The following BRINP2 variants were observed in gnomAD, a reference collection of about 807,000 sequenced individuals.
The protein encoded by BRINP2 is BMP/retinoic acid-inducible neural-specific protein 2.
In BRINP2, 21 loss-of-function variants were observed where a neutral mutation model predicts 69.2. The observed-to-expected ratio is 0.30, with a 90% CI of 0.22 to 0.44. BRINP2 has a LOEUF of 0.44. Among genes scored for constraint, BRINP2 ranks in the 20% least tolerant of loss-of-function variants. The pLI is 1.00. For synonymous variants in BRINP2, 380 were observed against 394.1 expected, an observed-to-expected ratio of 0.96 and a Z score of 0.42; for missense variants, 877 against 986.0, an observed-to-expected ratio of 0.89 and a Z score of 1.48.
chr1:177,270,362 A>G (rs1651275582), intron 4 of BRINP2, among the ~76,000 whole-genome samples: 1 of 152,212 alleles, frequency 6.6e-6, no homozygotes, highest in Non-Finnish European at 1.5e-5. Flanking sequence ...TGCCACAATT[A>G]AAGTGAAGTT....
At chr1:177,205,418 A>ACAG (rs1571897385) in intron 1 of BRINP2, among the ~76,000 whole-genome samples, 2 of 152,190 alleles carry the variant, frequency 1.3e-5, no homozygotes, top group Admixed American at 1.3e-4. Flanking sequence ...TGCTGGGATT[A>ACAG]CAGCCGTGAG....
intron 1 of BRINP2, among the ~76,000 whole-genome samples, chr1:177,194,695 G>A (rs982264543): frequency 2.6e-5 from 4 of 151,988 alleles, no homozygotes; most frequent in South Asian, 2.1e-4. Context: ...CTCTCTTTCC[G>A]TACATTTATG....
chr1:177,219,623 G>A (rs928933178), intron 1 of BRINP2, among the ~76,000 whole-genome samples: 26 of 152,206 alleles, frequency 1.7e-4, no homozygotes, highest in African/African-American at 6.3e-4. Flanking sequence ...ACAGCTCAGG[G>A]CATTATCATT....
At position 177,210,772 on chromosome 1, in the gene BRINP2, G is replaced by A. The variant is rs141165114; in HGVS notation, c.-76-19029G>A. Among the ~76,000 whole-genome samples the A allele has an allele frequency of 4.0e-3, 606 of 150,346 alleles. 3 individuals are homozygous for A. The highest frequency in any genetic ancestry group is 4.5e-3 in the Non-Finnish European group (305 of 67,718). ...TCTAAATAGAGAATCAAAACTTTCC[G>A]ATGAAAAATTATTATCTAAACTGAG... On this transcript the variant is annotated intron_variant, in intron 1 of 7. Coordinates refer to ENST00000361539, the MANE Select transcript of BRINP2 (RefSeq NM_021165.4).
intron 1 of BRINP2, among the ~76,000 whole-genome samples, chr1:177,173,690 G>T (rs1216880849): frequency 6.6e-6 from 1 of 152,150 alleles, no homozygotes; most frequent in Non-Finnish European, 1.5e-5. Flanking sequence ...ACTGAACAAG[G>T]CCAAAGGGCA....
chr1:177,205,067 T>C (rs1215245979), intron 1 of BRINP2, among the ~76,000 whole-genome samples: 1 of 152,226 alleles, frequency 6.6e-6, no homozygotes, highest in Non-Finnish European at 1.5e-5. Flanking sequence ...AATATCATAT[T>C]ATATAATATA....
In BRINP2 at chr1:177,280,512, C is replaced by T; in HGVS notation, c.1336C>T (p.Pro446Ser). 1 of 1,614,232 alleles carries T rather than the reference C, an allele frequency of 6.2e-7. No individual in the cohort carries two copies. The highest frequency in any genetic ancestry group is 8.5e-7 in the Non-Finnish European group (1 of 1,180,042). The change falls in exon 8 of 8, where the codon CCC (proline) becomes TCC (serine). Residue 446 changes from proline (P) to serine (S), a missense_variant. Physicochemically the swap from Pro to Ser is moderately conservative, Grantham distance 74. This residue lies in a region of BRINP2 where 566 missense variants were observed against 625.2 expected (regional missense o/e 0.91). Transcript: ENST00000361539. ...FLEQSHSCTC[P>S]YDQSSCQGPI... ...GGAACAGAGCCACAGCTGCACCTGC[C>T]CCTATGACCAATCTTCCTGCCAGGG...
At chr1:177,221,087 C>T (rs1253579524) in intron 1 of BRINP2, among the ~76,000 whole-genome samples, 2 of 152,142 alleles carry the variant, frequency 1.3e-5, no homozygotes, top group African/African-American at 2.4e-5. Flanking sequence ...GTGAATACAG[C>T]TATCTTATTC....
At chr1:177,236,403 G>A (rs934791620) in intron 2 of BRINP2, among the ~76,000 whole-genome samples, 7 of 152,120 alleles carry the variant, frequency 4.6e-5, no homozygotes, top group African/African-American at 1.4e-4. Flanking sequence ...GAATAAAAAA[G>A]CATTCTGCTG....
chr1:177,248,966 T>C (rs764261910), intron 2 of BRINP2, among the ~76,000 whole-genome samples: 4 of 152,102 alleles, frequency 2.6e-5, no homozygotes, highest in Non-Finnish European at 5.9e-5. Context: ...GGTTCAACTC[T>C]CTTATTGCAG....
At chr1:177,256,721 AAC>A in intron 3 of BRINP2, 1 of 1,082,370 alleles carries the variant, frequency 9.2e-7, no homozygotes, top group South Asian at 2.8e-5. Context: ...AATCGACTAA[AAC>A]AAGCTCTCCC....
chr1:177,258,246 G>GT (rs1650834451), intron 4 of BRINP2, among the ~76,000 whole-genome samples: 2 of 152,314 alleles, frequency 1.3e-5, no homozygotes, highest in South Asian at 4.2e-4. Flanking sequence ...TGAGAATACA[G>GT]TTTTTTAAAA....
At chr1:177,265,483 G>T (rs1651089000) in intron 4 of BRINP2, among the ~76,000 whole-genome samples, 1 of 152,246 alleles carries the variant, frequency 6.6e-6, no homozygotes, top group Non-Finnish European at 1.5e-5. Flanking sequence ...CTGTTAAGTA[G>T]TTTTCTTATT....
intron 2 of BRINP2, among the ~76,000 whole-genome samples, chr1:177,235,271 G>A (rs973096155): frequency 1.3e-5 from 2 of 152,158 alleles, no homozygotes; most frequent in African/African-American, 4.8e-5. Flanking sequence ...CTAAGTATTT[G>A]GAGATGGAGA....
chr1:177,209,895 C>A (rs1649177086), intron 1 of BRINP2, among the ~76,000 whole-genome samples: 1 of 152,078 alleles, frequency 6.6e-6, no homozygotes, highest in Non-Finnish European at 1.5e-5. Context: ...AAAATCCTAA[C>A]AAAGAAGGTA....
At chr1:177,190,148 C>T (rs966302442) in intron 1 of BRINP2, among the ~76,000 whole-genome samples, 14 of 152,298 alleles carry the variant, frequency 9.2e-5, no homozygotes, top group African/African-American at 3.4e-4. Flanking sequence ...AGGCACGTTG[C>T]CTTCAGAAGT....
At chr1:177,239,732 C>T (rs762877269) in intron 2 of BRINP2, among the ~76,000 whole-genome samples, 9 of 152,202 alleles carry the variant, frequency 5.9e-5, no homozygotes, top group Non-Finnish European at 1.2e-4. Flanking sequence ...GCACACTAGG[C>T]ACTCAGGTGA....
At chr1:177,179,502 T>C (rs147371242) in intron 1 of BRINP2, among the ~76,000 whole-genome samples, 1 of 152,236 alleles carries the variant, frequency 6.6e-6, no homozygotes, top group East Asian at 1.9e-4. Flanking sequence ...CCTCCTGTTC[T>C]TTTGGGTTAA....
At chr1:177,244,021 G>A (rs891991901) in intron 2 of BRINP2, among the ~76,000 whole-genome samples, 7 of 152,120 alleles carry the variant, frequency 4.6e-5, no homozygotes, top group Non-Finnish European at 1.0e-4. Context: ...GGAGGAAAAT[G>A]GAAACATCTT....
Sources: gnomAD v4.1 joint callset for allele counts (sites outside exome capture counted in the v4.1 genomes callset) on GRCh38, gnomAD v4.1.1 for gene constraint, gnomAD v4.1.1 regional missense constraint, MANE v1.5 for transcripts, NCBI Gene and HGNC (gene_info 2026-07-23, HGNC 2026-07-21) for gene names.